The following RGS7BP variants were observed in gnomAD, a reference collection of about 807,000 sequenced individuals.
RGS7BP encodes regulator of G protein signaling 7 binding protein.
Under a neutral mutation model 31.3 loss-of-function variants are expected in RGS7BP, and 9 were observed. That is an observed-to-expected ratio of 0.29 (90% CI 0.17 to 0.50). The LOEUF (loss-of-function observed/expected upper bound fraction) is 0.50, where lower values mean the gene tolerates loss of function less well. Among genes scored for constraint, RGS7BP ranks in the 20% least tolerant of loss-of-function variants. RGS7BP has a pLI of 0.98. For synonymous variants in RGS7BP, 115 were observed against 120.1 expected (o/e 0.96, Z 0.28); for missense variants, 274 against 322.0 (o/e 0.85, Z 1.14).
At chr5:64,606,746 T>C (rs1049838499) in intron 5 of RGS7BP, among the ~76,000 whole-genome samples, 2 of 152,168 alleles carry the variant, frequency 1.3e-5, no homozygotes, top group Admixed American at 6.6e-5. Context: ...CTCTGAGATG[T>C]TCTCCTGAAA....
intron 2 of RGS7BP, among the ~76,000 whole-genome samples, chr5:64,520,202 T>C (rs1749072439): frequency 2.6e-5 from 4 of 152,230 alleles, no homozygotes. Flanking sequence ...GTCTTTATTC[T>C]TGCCACCATA....
intron 4 of RGS7BP, among the ~76,000 whole-genome samples, chr5:64,596,906 C>T (rs1344550531): frequency 6.6e-6 from 1 of 152,130 alleles, no homozygotes; most frequent in African/African-American, 2.4e-5. Flanking sequence ...GTGAAATGGA[C>T]TGAGAGGTTT....
At chr5:64,550,370 G>C (rs968233712) in intron 2 of RGS7BP, among the ~76,000 whole-genome samples, 2 of 152,124 alleles carry the variant, frequency 1.3e-5, no homozygotes, top group African/African-American at 4.8e-5. Context: ...GTGAAAGAGA[G>C]AACAAGCTTT....
chr5:64,517,625 C>G (rs146762680), intron 2 of RGS7BP, among the ~76,000 whole-genome samples: 1 of 152,166 alleles, frequency 6.6e-6, no homozygotes, highest in Non-Finnish European at 1.5e-5. Flanking sequence ...TTACCTGCAC[C>G]TCATTATAGT....
chr5:64,535,495 CT>C (rs1282140144), intron 2 of RGS7BP, among the ~76,000 whole-genome samples: 1 of 152,194 alleles, frequency 6.6e-6, no homozygotes, highest in African/African-American at 2.4e-5. Context: ...AGCCCCACCT[CT>C]TCAGCTAACC....
intron 1 of RGS7BP, among the ~76,000 whole-genome samples, chr5:64,507,119 G>C (rs1445856583): frequency 1.3e-5 from 2 of 152,158 alleles, no homozygotes; most frequent in African/African-American, 4.8e-5. Flanking sequence ...TGAGGAGGTG[G>C]GGATGCTGCT....
chr5:64,600,157 G>C (rs1395064432), intron 5 of RGS7BP, among the ~76,000 whole-genome samples: 1 of 152,126 alleles, frequency 6.6e-6, no homozygotes, highest in African/African-American at 2.4e-5. Context: ...GCTCATGTTT[G>C]AAGCTGTCCT....
At chr5:64,546,844 T>A (rs1487290898) in intron 2 of RGS7BP, among the ~76,000 whole-genome samples, 1 of 152,222 alleles carries the variant, frequency 6.6e-6, no homozygotes, top group Non-Finnish European at 1.5e-5. Flanking sequence ...ATTTCCTACA[T>A]ATGTATACAC....
chr5:64,567,898 T>A (rs761677697), intron 2 of RGS7BP, among the ~76,000 whole-genome samples: 1 of 152,106 alleles, frequency 6.6e-6, no homozygotes, highest in Non-Finnish European at 1.5e-5. Context: ...GTATAACACA[T>A]GATAATTGAA....
chr5:64,601,737 C>T (rs866191274), intron 5 of RGS7BP, among the ~76,000 whole-genome samples: 3 of 152,100 alleles, frequency 2.0e-5, no homozygotes, highest in South Asian at 2.1e-4. Context: ...ATGATAGTCT[C>T]GCTGTGTCAA....
At chr5:64,532,611 G>C (rs1749399029) in intron 2 of RGS7BP, among the ~76,000 whole-genome samples, 1 of 152,098 alleles carries the variant, frequency 6.6e-6, no homozygotes, top group African/African-American at 2.4e-5. Flanking sequence ...TCTACTTCCT[G>C]GTGAAAGTAA....
intron 5 of RGS7BP, among the ~76,000 whole-genome samples, chr5:64,601,733 G>T (rs577463405): frequency 8.5e-5 from 13 of 152,294 alleles, no homozygotes; most frequent in African/African-American, 3.1e-4. Context: ...AATTATGATA[G>T]TCTCGCTGTG....
At chr5:64,533,567 CA>C (rs1355603483) in intron 2 of RGS7BP, among the ~76,000 whole-genome samples, 1 of 152,026 alleles carries the variant, frequency 6.6e-6, no homozygotes, top group South Asian at 2.1e-4. Context: ...TCCCAATGGA[CA>C]AAAAAAGTTA....
rs184585178 is a variant in RGS7BP at position 64,563,231 on chromosome 5, G to A, written c.333-12543G>A. On this transcript the variant is annotated intron_variant, in intron 2 of 5. Coordinates refer to ENST00000334025, the MANE Select transcript of RGS7BP (RefSeq NM_001029875.3). ...CTCATTTATGAATTAATCTTTGAAC[G>A]CATTTATACTTTGAGCCTGGACAAT... Among the ~76,000 whole-genome samples, 50 of 152,072 alleles carry A rather than the reference G, an allele frequency of 3.3e-4. No homozygotes were observed. The Middle Eastern group carries it at 0.024, about 72-fold the overall frequency.
intron 2 of RGS7BP, among the ~76,000 whole-genome samples, chr5:64,561,047 G>A (rs531199488): frequency 2.0e-5 from 3 of 152,126 alleles, no homozygotes; most frequent in African/African-American, 7.2e-5. Context: ...TTGGATGCTG[G>A]GACCCCTGCG....
intron 5 of RGS7BP, among the ~76,000 whole-genome samples, chr5:64,605,220 G>A (rs1482356867): frequency 6.6e-6 from 1 of 151,968 alleles, no homozygotes; most frequent in Admixed American, 6.6e-5. Context: ...TTGGAGAAAA[G>A]ATGATATAAA....
chr5:64,567,944 G>A (rs994249366), intron 2 of RGS7BP, among the ~76,000 whole-genome samples: 7 of 152,066 alleles, frequency 4.6e-5, no homozygotes. Flanking sequence ...GATATCAGGT[G>A]AAAATAGTAA....
At position 64,587,828 on chromosome 5, in the gene RGS7BP, C is replaced by A. The variant is rs567109141; in HGVS notation, c.464-6882C>A. ...CCAGGTACCCATTGGAGATGGCAAA[C>A]TCTCACACCTAGAAGAAATGCTTTT... On this transcript the variant is annotated intron_variant, in intron 3 of 5. Coordinates refer to ENST00000334025, the MANE Select transcript of RGS7BP (RefSeq NM_001029875.3). Among the ~76,000 whole-genome samples, 45 of 152,238 alleles carry A rather than the reference C, an allele frequency of 3.0e-4. No individual in the cohort carries two copies. The South Asian group carries it at 8.9e-3, about 30-fold the overall frequency.
intron 2 of RGS7BP, among the ~76,000 whole-genome samples, chr5:64,571,373 A>C (rs962578480): frequency 1.3e-5 from 2 of 152,296 alleles, no homozygotes; most frequent in South Asian, 4.1e-4. Context: ...TAAATAAAAT[A>C]CCATGAATAT....
Sources: gnomAD v4.1 joint callset for allele counts (sites outside exome capture counted in the v4.1 genomes callset) on GRCh38, gnomAD v4.1.1 for gene constraint, MANE v1.5 for transcripts, NCBI Gene and HGNC (gene_info 2026-07-23, HGNC 2026-07-21) for gene names.